Variants in SPP2 observed in about 807,000 individuals in gnomAD.
The protein encoded by SPP2 is secreted phosphoprotein 2, also known as secreted phosphoprotein 24.
In SPP2, 34 loss-of-function variants were observed where a neutral mutation model predicts 28.8. That is an observed-to-expected ratio of 1.18 (90% CI 0.90 to 1.57). SPP2 has a LOEUF of 1.57. SPP2 is among the 40% of genes most tolerant of loss of function. The probability of loss-of-function intolerance (pLI) is 0.00; values close to 1 mark genes in which losing one functional copy is unlikely to be tolerated. For synonymous variants in SPP2, 96 were observed against 89.4 expected (o/e 1.07, Z -0.42); for missense variants, 269 against 263.9 (o/e 1.02, Z -0.13).
In SPP2 at chr2:234,058,856, C is replaced by A. The variant is rs763033241; in HGVS notation, c.231C>A (p.Asn77Lys). Residue 77 changes from asparagine (N) to lysine (K), a missense_variant, in exon 3 of 8, where the codon AAC (asparagine) becomes AAA (lysine). Transcript: ENST00000168148. ...TGAAGGTTGAGGTCCTAGATGAGAA[C>A]AACTTGGTCATGAATTTAGAGTTCA... Reference protein sequence around the residue: ...SLKRVEVLDENNLVMNLEFSI... With the variant: ...SLKRVEVLDEKNLVMNLEFSI... 2.5e-6 allele frequency: 4 copies of A among 1,613,904 alleles called. No individual in the cohort carries two copies. Among genetic ancestry groups the A allele is most frequent in the Non-Finnish European group, 3.4e-6 (4 of 1,179,902 alleles).
chr2:234,068,345 T>C (rs1463190292), intron 6 of SPP2, among the ~76,000 whole-genome samples: 2 of 152,236 alleles, frequency 1.3e-5, no homozygotes, highest in Non-Finnish European at 2.9e-5. Context: ...AATTTGCTTG[T>C]GGCTACATTG....
chr2:234,061,142 T>C (rs1292511857), intron 4 of SPP2, among the ~76,000 whole-genome samples: 3 of 152,220 alleles, frequency 2.0e-5, no homozygotes, highest in African/African-American at 2.4e-5. Context: ...CTCAATTGCA[T>C]TGAAAGTTTG....
intron 4 of SPP2, among the ~76,000 whole-genome samples, chr2:234,062,941 T>C (rs1274939928): frequency 2.0e-5 from 3 of 152,178 alleles, no homozygotes; most frequent in Non-Finnish European, 4.4e-5. Flanking sequence ...AAAAACTAGA[T>C]CTTAAAATAA....
intron 7 of SPP2, among the ~76,000 whole-genome samples, chr2:234,071,251 C>T (rs980670771): frequency 6.6e-6 from 1 of 152,200 alleles, no homozygotes; most frequent in Non-Finnish European, 1.5e-5. Context: ...TGCTTGCTGT[C>T]CTCAGGTTTA....
At chr2:234,072,341 A>T (rs1690807423) in intron 7 of SPP2, among the ~76,000 whole-genome samples, 1 of 152,210 alleles carries the variant, frequency 6.6e-6, no homozygotes, top group African/African-American at 2.4e-5. Flanking sequence ...GAATCTACTC[A>T]TTATGAAGCA....
rs746877413 is a variant in SPP2, at chr2:234,069,988, C to T, written c.611C>T (p.Ala204Val). The T allele has an allele frequency of 7.4e-6, 12 of 1,613,384 alleles. No homozygotes were observed. The highest frequency in any genetic ancestry group is 1.3e-5 in the African/African-American group (1 of 74,900). The stretch of plus-strand genomic sequence containing the variant: ...AGGTACCCAAACCACCGGCACAGAG[C>T]AAGAATAAATACTGACTTTGAGTAA... The part of the protein sequence containing the change: ...NRRYPNHRHR[A>V]RINTDFE Residue 204 changes from alanine (A) to valine (V), a missense_variant, in exon 7 of 8, where the codon GCA (alanine) becomes GTA (valine). Ala to Val is a moderately conservative substitution (Grantham distance 64). Transcript: ENST00000168148.
At chr2:234,053,269 T>C (rs1368676244) in intron 2 of SPP2, among the ~76,000 whole-genome samples, 1 of 152,240 alleles carries the variant, frequency 6.6e-6, no homozygotes, top group Non-Finnish European at 1.5e-5. Context: ...TTTACTAGCA[T>C]GTTAAACGTT....
At chr2:234,073,729 C>A (rs1690839913) in intron 7 of SPP2, among the ~76,000 whole-genome samples, 1 of 152,130 alleles carries the variant, frequency 6.6e-6, no homozygotes, top group African/African-American at 2.4e-5. Context: ...CCCTCAGCAC[C>A]CAAACCATAG....
chr2:234,062,457 A>G (rs1223733597), intron 4 of SPP2, among the ~76,000 whole-genome samples: 1 of 152,188 alleles, frequency 6.6e-6, no homozygotes, highest in Non-Finnish European at 1.5e-5. Flanking sequence ...GAGAGGCACA[A>G]GGTGGAGCTG....
At chr2:234,059,024 G>C in intron 3 of SPP2, 66 bp downstream of exon 3, 2 of 1,560,816 alleles carry the variant, frequency 1.3e-6, no homozygotes, top group Non-Finnish European at 1.7e-6. Flanking sequence ...CCATGACCTG[G>C]AGTCACACAA....
chr2:234,070,692 C>T (rs1690749161), intron 7 of SPP2, among the ~76,000 whole-genome samples: 1 of 152,100 alleles, frequency 6.6e-6, no homozygotes, highest in Non-Finnish European at 1.5e-5. Context: ...AAACTCCTGA[C>T]CTCAGGTGAT....
rs746027277 is a variant in SPP2, at chr2:234,050,736, C to T, written c.-51C>T. On this transcript the variant is annotated 5_prime_UTR_variant, in exon 1 of 8. Transcript: ENST00000168148. ...TAAAGACAGCTCCTCTTAGGAAGAA[C>T]TGTCATCCCCAAACACATAGAGAGA... 6.5e-7 allele frequency: 1 copy of T among 1,532,250 alleles called. No individual in the cohort carries two copies. Among genetic ancestry groups the T allele is most frequent in the African/African-American group, 1.4e-5 (1 of 73,372 alleles). 94.9% of individuals were successfully genotyped at this position (1,532,250 alleles called of 1,614,324 possible).
intron 4 of SPP2, among the ~76,000 whole-genome samples, chr2:234,064,517 C>T (rs1474954152): frequency 6.6e-6 from 1 of 151,988 alleles, no homozygotes; most frequent in Non-Finnish European, 1.5e-5. Context: ...TATATATTTA[C>T]TTGTGTACAA....
chr2:234,051,582 T>G (rs772900994), intron 2 of SPP2, among the ~76,000 whole-genome samples: 4 of 152,226 alleles, frequency 2.6e-5, no homozygotes, highest in Non-Finnish European at 4.4e-5. Flanking sequence ...GGGCTTCCAA[T>G]GACTAAGTCT....
chr2:234,067,808 A>G (rs1294005749), intron 6 of SPP2, among the ~76,000 whole-genome samples: 6 of 142,588 alleles, frequency 4.2e-5, no homozygotes, highest in Non-Finnish European at 9.2e-5. Flanking sequence ...AAAAAAAAAA[A>G]GTTACCAAGA....
chr2:234,058,806 A>G, intron 2 of SPP2, 30 bp from the exon 3 acceptor site: 3 of 1,604,842 alleles, frequency 1.9e-6, no homozygotes, highest in Admixed American at 1.7e-5. Context: ...AAATGCATTG[A>G]TCACACTCTG....
At chr2:234,072,035 C>T (rs913643127) in intron 7 of SPP2, among the ~76,000 whole-genome samples, 7 of 152,168 alleles carry the variant, frequency 4.6e-5, no homozygotes, top group South Asian at 2.1e-4. Context: ...GCCACTGTCC[C>T]GCAGTGCCCT....
chr2:234,060,216 G>C (rs922837146), intron 3 of SPP2, among the ~76,000 whole-genome samples, 153 bp from the exon 4 acceptor site: 2 of 152,168 alleles, frequency 1.3e-5, no homozygotes, highest in African/African-American at 4.8e-5. Context: ...CTTCGGTCTT[G>C]AGGAATTTTC....
rs1361019565 is a variant in SPP2 at position 234,051,095 on chromosome 2, A to G, written c.210A>G (p.Arg70=). The G allele has an allele frequency of 6.2e-7, 1 of 1,613,154 alleles. No individual in the cohort carries two copies. Among genetic ancestry groups the G allele is most frequent in the Non-Finnish European group, 8.5e-7 (1 of 1,179,228 alleles). The change falls in exon 2 of 8, where the codon AGA becomes AGG. Residue 70 remains arginine (R), a splice_region_variant and synonymous_variant. Coordinates refer to ENST00000168148, the MANE Select transcript of SPP2 (RefSeq NM_006944.3). ...GGGCATTCAGAAGCTCATTAAAAAG[A>G]GTAAGTGCAAAATGAAATCTTCTCT... ...LFRAFRSSLK[R]VEVLDENNLV... is the part of the protein sequence containing the mutation.
Sources: allele counts gnomAD v4.1 joint callset (sites outside exome capture counted in the v4.1 genomes callset), GRCh38; gene constraint gnomAD v4.1.1; transcripts MANE v1.5; gene names NCBI Gene and HGNC (gene_info 2026-07-23, HGNC 2026-07-21).